CCDC141: variants seen among roughly 807,000 people sequenced by gnomAD.
CCDC141 encodes coiled-coil domain-containing protein 141.
In CCDC141, 168 loss-of-function variants were observed where a neutral mutation model predicts 181.0. The ratio of observed to expected loss-of-function variants is 0.93; its 90% CI spans 0.82 to 1.05. The LOEUF (loss-of-function observed/expected upper bound fraction) is 1.05, where lower values mean the gene tolerates loss of function less well. Among genes scored for constraint, CCDC141 ranks in the 50% least tolerant of loss-of-function variants. The pLI, the probability that CCDC141 is intolerant of heterozygous loss-of-function variation, is 0.00. For synonymous variants in CCDC141, 666 were observed against 642.3 expected (o/e 1.04, Z -0.56); for missense variants, 1,902 against 1,788.5 (o/e 1.06, Z -1.14).
At chr2:178,927,133 C>A in intron 6 of CCDC141, among the ~76,000 whole-genome samples, 1 of 152,084 alleles carries the variant, frequency 6.6e-6, no homozygotes, top group Non-Finnish European at 1.5e-5. Context: ...TCACTGAAAG[C>A]TAGAATTTTT....
intron 5 of CCDC141, among the ~76,000 whole-genome samples, chr2:178,953,916 A>G (rs1008179425): frequency 2.6e-5 from 4 of 152,228 alleles, no homozygotes; most frequent in African/African-American, 9.6e-5. Context: ...ATGCTCATAT[A>G]TGTCATCTCT....
In CCDC141 at chr2:179,027,712, C is replaced by CTGCCATCCA. The variant is rs564533710; in HGVS notation, c.225+19563_225+19571dup. On this transcript the variant is annotated intron_variant, in intron 2 of 23. Transcript: ENST00000443758. ...CCTGCACAAGCTCTCTCTCTGTCTGCTGCCATCCATGTAAGATGTGACTTG... is the reference window on the plus strand; with the variant it reads ...CCTGCACAAGCTCTCTCTCTGTCTGCTGCCATCCATGCCATCCATGTAAGATGTGACTTG... Among the ~76,000 whole-genome samples the CTGCCATCCA allele has an allele frequency of 4.7e-3, 684 of 145,002 alleles. 11 individuals carry two copies. The East Asian group carries it at 0.053, about 11-fold the overall frequency.
At chr2:178,969,639 C>G (rs1057261369) in intron 4 of CCDC141, among the ~76,000 whole-genome samples, 19 of 152,094 alleles carry the variant, frequency 1.2e-4, no homozygotes, top group African/African-American at 4.3e-4. Context: ...ATAATAAGAG[C>G]TATTTATGAC....
At chr2:178,873,547 G>A (rs1007228903) in intron 12 of CCDC141, 1 of 152,134 alleles carries the variant, frequency 6.6e-6, no homozygotes, top group East Asian at 1.9e-4. Context: ...TGAAACTGCA[G>A]CATGCCAATG....
chr2:178,860,608 G>T (rs1343097736), intron 17 of CCDC141, among the ~76,000 whole-genome samples: 1 of 126,834 alleles, frequency 7.9e-6, no homozygotes, highest in Non-Finnish European at 1.6e-5. Context: ...GCCCAGGCTG[G>T]ACTTGAACTC....
intron 2 of CCDC141, among the ~76,000 whole-genome samples, chr2:179,001,029 T>G (rs747121141): frequency 2.6e-5 from 4 of 152,084 alleles, no homozygotes; most frequent in Non-Finnish European, 5.9e-5. Flanking sequence ...TTTGCCCAGG[T>G]CCATTTCAAG....
In CCDC141 at chr2:178,834,147, G is replaced by T. The variant is rs1457415260; in HGVS notation, c.*26C>A. ...CACTTTTCTTTAGGCACATGAGAATGATGTCCATTGGTGCCAACACCACAG... is the reference window on the plus strand; with the variant it reads ...CACTTTTCTTTAGGCACATGAGAATTATGTCCATTGGTGCCAACACCACAG... On this transcript the variant is annotated 3_prime_UTR_variant, in exon 24 of 24. Coordinates refer to ENST00000443758, the MANE Select transcript of CCDC141 (RefSeq NM_173648.4). 3 of 1,528,018 alleles carry T rather than the reference G, an allele frequency of 2.0e-6. No homozygotes were observed. In the East Asian group the frequency reaches 7.4e-5, roughly 38 times the overall value. The allele number at this position is 1,528,018 out of a possible 1,614,324, so 94.7% of individuals were successfully genotyped here.
At chr2:178,824,365 C>T in the CCDC141 span, among the ~76,000 whole-genome samples, 1 of 152,098 alleles carries the variant, frequency 6.6e-6, no homozygotes, top group Non-Finnish European at 1.5e-5. Flanking sequence ...GGCACAGTGG[C>T]TCACGCCAGC....
downstream of CCDC141, among the ~76,000 whole-genome samples, chr2:178,827,064 C>T (rs1286325587): frequency 6.6e-6 from 1 of 152,070 alleles, no homozygotes; most frequent in African/African-American, 2.4e-5. Flanking sequence ...TTGGTAATTT[C>T]ATATTTTTCA....
chr2:179,003,463 T>C (rs1460591702), intron 2 of CCDC141, among the ~76,000 whole-genome samples: 1 of 152,212 alleles, frequency 6.6e-6, no homozygotes, highest in South Asian at 2.1e-4. Context: ...ATAATAACTA[T>C]CTTATAAGAT....
chr2:178,844,674 C>T (rs1251766772), intron 22 of CCDC141, among the ~76,000 whole-genome samples: 1 of 152,112 alleles, frequency 6.6e-6, no homozygotes, highest in African/African-American at 2.4e-5. Flanking sequence ...GGAAAAGGAC[C>T]TATAAGAAAG....
chr2:178,844,209 A>G (rs1053654304), intron 22 of CCDC141, among the ~76,000 whole-genome samples: 8 of 152,230 alleles, frequency 5.3e-5, no homozygotes, highest in African/African-American at 1.9e-4. Context: ...ACTAAATAAA[A>G]TAAATGATAG....
chr2:178,837,455 G>GAA lies in CCDC141; in HGVS notation c.3763_3764insTT (p.Thr1255IlefsTer47). 3 of 1,614,062 alleles carry GAA rather than the reference G, an allele frequency of 1.9e-6. No individual in the cohort carries two copies. Among genetic ancestry groups the GAA allele is most frequent in the Middle Eastern group, 1.7e-4 (1 of 6,060 alleles). On this transcript the variant is annotated frameshift_variant, in exon 23 of 24. Transcript: ENST00000443758. LOFTEE classifies it high-confidence loss of function. ...TTCCTGGGCATCCCCTGGGCTGCTG[G>GAA]TCCCAGCCTGCACCCCATAGCTGCT...
Position 178,837,203 on chromosome 2 carries a change from T to G in CCDC141, c.4016A>C (p.Gln1339Pro), listed in dbSNP as rs1684515558. The change falls in exon 23 of 24, where the codon CAG becomes CCG. Residue 1339 changes from glutamine (Q) to proline (P), a missense_variant. Physicochemically the swap from Gln to Pro is moderately conservative, Grantham distance 76 (BLOSUM62 -1). Transcript: ENST00000443758. Reference protein sequence around the residue: ...ERALQQHPQAQGGLLETREKM... With the variant: ...ERALQQHPQAPGGLLETREKM... The stretch of plus-strand genomic sequence containing the variant: ...CTCCCGTGTTTCTAGCAAACCACCC[T>G]GAGCCTGAGGGTGCTGCTGTAAAGC... 6.2e-7 allele frequency: 1 copy of G among 1,614,020 alleles called. No homozygotes were observed. The highest frequency in any genetic ancestry group is 2.2e-5 in the East Asian group (1 of 44,834).
intron 2 of CCDC141, among the ~76,000 whole-genome samples, chr2:179,026,159 T>A (rs1417094501): frequency 6.6e-6 from 1 of 152,132 alleles, no homozygotes; most frequent in Non-Finnish European, 1.5e-5. Context: ...AGGGGCCAAA[T>A]GTTAATTCCC....
At chr2:178,869,513 A>C (rs1686012942) in intron 14 of CCDC141, among the ~76,000 whole-genome samples, 1 of 152,230 alleles carries the variant, frequency 6.6e-6, no homozygotes, top group South Asian at 2.1e-4. Flanking sequence ...TTACAAAAAA[A>C]AATAGCATGA....
chr2:178,883,449 G>A (rs145472522), intron 11 of CCDC141, among the ~76,000 whole-genome samples: 1 of 152,096 alleles, frequency 6.6e-6, no homozygotes, highest in African/African-American at 2.4e-5. Flanking sequence ...AAGAGAAAAA[G>A]CTAAAAAGAA....
intron 2 of CCDC141, among the ~76,000 whole-genome samples, chr2:179,032,289 T>C (rs1034125237): frequency 2.0e-5 from 3 of 152,164 alleles, no homozygotes; most frequent in Admixed American, 6.6e-5. Context: ...TGGCCAGTTT[T>C]CCCCTCTCTT....
intron 2 of CCDC141, among the ~76,000 whole-genome samples, chr2:179,023,882 T>A (rs561267552): frequency 9.2e-5 from 14 of 152,312 alleles, no homozygotes; most frequent in African/African-American, 3.4e-4. Context: ...CAAGATTATA[T>A]GAATGTAAAT....
Sources: allele counts gnomAD v4.1 joint callset (sites outside exome capture counted in the v4.1 genomes callset), GRCh38; gene constraint gnomAD v4.1.1; transcripts MANE v1.5; gene names NCBI Gene and HGNC (gene_info 2026-07-23, HGNC 2026-07-21).